Variants in NAALADL2 observed in about 807,000 individuals in gnomAD.
NAALADL2 encodes the protein inactive N-acetylated-alpha-linked acidic dipeptidase-like protein 2.
NAALADL2 carries 76 observed loss-of-function variants against 87.2 expected under a neutral mutation model. The ratio of observed to expected loss-of-function variants is 0.87; its 90% CI spans 0.72 to 1.05. The LOEUF (loss-of-function observed/expected upper bound fraction) is 1.05. Among genes scored for constraint, NAALADL2 ranks in the 50% least tolerant of loss-of-function variants. The pLI, the probability that NAALADL2 is intolerant of heterozygous loss-of-function variation, is 0.00. For synonymous variants in NAALADL2, 354 were observed against 331.0 expected (o/e 1.07, Z -0.75); for missense variants, 1,089 against 945.8 (o/e 1.15, Z -1.99).
chr3:175,059,603 G>A (rs1559972594), intron 1 of NAALADL2: 2 of 349,656 alleles, frequency 5.7e-6, no homozygotes, highest in Admixed American at 3.4e-5. Flanking sequence ...TTTCACATCA[G>A]TATGATGGAA....
intron 1 of NAALADL2, among the ~76,000 whole-genome samples, chr3:175,024,304 G>A (rs1410650740): frequency 6.6e-6 from 1 of 152,014 alleles, no homozygotes; most frequent in Non-Finnish European, 1.5e-5. Context: ...ATGTCTGTTT[G>A]TGCTTTGTAT....
intron 10 of NAALADL2, among the ~76,000 whole-genome samples, chr3:175,609,263 G>A (rs535708235): frequency 6.6e-6 from 1 of 152,176 alleles, no homozygotes; most frequent in African/African-American, 2.4e-5. Context: ...AATGAGAAGT[G>A]TACAAAGAAC....
intron 11 of NAALADL2, among the ~76,000 whole-genome samples, chr3:175,638,030 A>G (rs1728783140): frequency 6.6e-6 from 1 of 152,230 alleles, no homozygotes; most frequent in African/African-American, 2.4e-5. Flanking sequence ...TTTTAAAAAG[A>G]GCAATATGTA....
chr3:175,607,812 C>T (rs556441016), intron 10 of NAALADL2, among the ~76,000 whole-genome samples: 130 of 151,956 alleles, frequency 8.6e-4, no homozygotes, highest in African/African-American at 3.0e-3. Context: ...GAATTTCAAG[C>T]ATCCGTGAGT....
chr3:174,953,492 G>C (rs1032083991), intron 1 of NAALADL2, among the ~76,000 whole-genome samples: 1 of 151,758 alleles, frequency 6.6e-6, no homozygotes, highest in African/African-American at 2.4e-5. Flanking sequence ...GGATATTTAA[G>C]ATGTGTTTTC....
At chr3:175,090,378 T>G (rs1580386920) in intron 1 of NAALADL2, among the ~76,000 whole-genome samples, 1 of 152,028 alleles carries the variant, frequency 6.6e-6, no homozygotes, top group East Asian at 1.9e-4. Context: ...AATTCTGATA[T>G]TTAAAAACTT....
At chr3:174,485,589 A>G (rs528490231) in intron 1 of NAALADL2, among the ~76,000 whole-genome samples, 1 of 151,958 alleles carries the variant, frequency 6.6e-6, no homozygotes, top group South Asian at 2.1e-4. Flanking sequence ...AAAGATAATG[A>G]TCTCCAGCTC....
chr3:175,749,781 G>C (rs977421059), intron 12 of NAALADL2, among the ~76,000 whole-genome samples: 1 of 152,130 alleles, frequency 6.6e-6, no homozygotes, highest in Admixed American at 6.6e-5. Flanking sequence ...CCCAGGTCCC[G>C]GCAGGTTACA....
chr3:175,755,164 T>C, intron 12 of NAALADL2, 56 bp from the exon 13 acceptor site: 4 of 1,465,066 alleles, frequency 2.7e-6, no homozygotes, highest in Non-Finnish European at 2.8e-6. Flanking sequence ...TGGAAAATGC[T>C]TATTTTGCTC....
At chr3:175,482,734 T>C (rs909722994) in intron 9 of NAALADL2, among the ~76,000 whole-genome samples, 1 of 151,850 alleles carries the variant, frequency 6.6e-6, no homozygotes, top group Non-Finnish European at 1.5e-5. Flanking sequence ...ATAGTAAATT[T>C]AGGACACATT....
intron 1 of NAALADL2, among the ~76,000 whole-genome samples, chr3:174,497,678 A>G (rs1340584166): frequency 6.6e-6 from 1 of 152,154 alleles, no homozygotes; most frequent in African/African-American, 2.4e-5. Flanking sequence ...GTGGAGACTC[A>G]GTCTTATTTA....
intron 2 of NAALADL2, among the ~76,000 whole-genome samples, chr3:174,627,924 G>A (rs1721733700): frequency 6.6e-6 from 1 of 152,124 alleles, no homozygotes; most frequent in South Asian, 2.1e-4. Flanking sequence ...TAATAAACAC[G>A]GGAGACGTCC....
chr3:174,568,432 C>G (rs1472074269), intron 2 of NAALADL2, among the ~76,000 whole-genome samples: 1 of 151,622 alleles, frequency 6.6e-6, no homozygotes, highest in Non-Finnish European at 1.5e-5. Context: ...AAATATGGTT[C>G]CTGTCCTGAA....
chr3:174,450,305 C>T (rs982621085), intron 1 of NAALADL2, among the ~76,000 whole-genome samples: 2 of 152,154 alleles, frequency 1.3e-5, no homozygotes, highest in Admixed American at 6.5e-5. Context: ...AGTCTTAAAT[C>T]CTCACTGACC....
chr3:175,240,909 C>T (rs527811332), intron 3 of NAALADL2, among the ~76,000 whole-genome samples: 99 of 152,288 alleles, frequency 6.5e-4, no homozygotes, highest in South Asian at 5.2e-3. Flanking sequence ...GATCCACCTG[C>T]CTTGGCCTCA....
intron 3 of NAALADL2, among the ~76,000 whole-genome samples, chr3:174,772,898 G>A (rs1714756832): frequency 1.3e-5 from 2 of 152,176 alleles, no homozygotes; most frequent in African/African-American, 4.8e-5. Flanking sequence ...ACTCTAGAGA[G>A]TAATTCTAAA....
At chr3:175,046,621 C>A (rs769193715) in intron 1 of NAALADL2, among the ~76,000 whole-genome samples, 12 of 152,142 alleles carry the variant, frequency 7.9e-5, no homozygotes, top group Non-Finnish European at 1.5e-4. Flanking sequence ...TCTGCGACAG[C>A]AATAAGCATA....
At chr3:175,424,440 G>T (rs1205086253) in intron 5 of NAALADL2, among the ~76,000 whole-genome samples, 1 of 152,110 alleles carries the variant, frequency 6.6e-6, no homozygotes, top group East Asian at 1.9e-4. Context: ...TTTGTATAAG[G>T]TGTAAGGAAG....
intron 5 of NAALADL2, among the ~76,000 whole-genome samples, chr3:175,435,593 A>G (rs1258648473): frequency 6.6e-6 from 1 of 152,114 alleles, no homozygotes; most frequent in Non-Finnish European, 1.5e-5. Context: ...AATTTTATAC[A>G]TATTTAAGCA....
Sources: allele counts gnomAD v4.1 joint callset (sites outside exome capture counted in the v4.1 genomes callset), GRCh38; gene constraint gnomAD v4.1.1; transcripts MANE v1.5; gene names NCBI Gene and HGNC (gene_info 2026-07-23, HGNC 2026-07-21).